The following FAM229B variants were observed in gnomAD, a reference collection of about 807,000 sequenced individuals.
The protein encoded by FAM229B is family with sequence similarity 229 member B, also known as protein FAM229B.
In FAM229B, 2 loss-of-function variants were observed where a neutral mutation model predicts 6.7. That is an observed-to-expected ratio of 0.30 (90% CI 0.12 to 0.94). FAM229B has a LOEUF of 0.94. Ranked by LOEUF, FAM229B falls within the 40% of genes least tolerant of loss-of-function variation. The pLI, the probability that FAM229B is intolerant of heterozygous loss-of-function variation, is 0.54. For missense variants in FAM229B, 93 were observed against 96.2 expected (o/e 0.97, Z 0.14); for synonymous variants, 29 against 34.0 (o/e 0.85, Z 0.51).
Position 112,092,008 on chromosome 6 carries a change from G to A in FAM229B, c.-176+4288G>A, listed in dbSNP as rs587741065. ...AAAGATTAGCAAACTTAAAGATGTA[G>A]CAATGGAAACTGTGCAAAATAAAAC... On this transcript the variant is annotated intron_variant, in intron 1 of 3. Transcript: ENST00000368656. Among the ~76,000 whole-genome samples, 4 of 152,148 alleles carry A rather than the reference G, an allele frequency of 2.6e-5. No individual in the cohort carries two copies. The South Asian group carries it at 8.3e-4, about 32-fold the overall frequency.
chr6:112,090,206 G>GGTCT (rs1777240137), intron 1 of FAM229B, among the ~76,000 whole-genome samples: 1 of 131,692 alleles, frequency 7.6e-6, no homozygotes, highest in African/African-American at 3.1e-5. Context: ...AGTTGTGGGT[G>GGTCT]GTCTGTTTTT....
chr6:112,098,087 C>G (rs1235057929), intron 2 of FAM229B, among the ~76,000 whole-genome samples: 1 of 152,082 alleles, frequency 6.6e-6, no homozygotes. Context: ...ATCCTCCCTC[C>G]CCAGCTAAGA....
intron 3 of FAM229B, among the ~76,000 whole-genome samples, chr6:112,100,214 C>T (rs1777378424): frequency 1.3e-5 from 2 of 152,180 alleles, no homozygotes; most frequent in Admixed American, 6.5e-5. Context: ...CATTTCAAAT[C>T]TGAGATTCTA....
At chr6:112,088,228 TAGA>T (rs1347099912) in intron 1 of FAM229B, among the ~76,000 whole-genome samples, 4 of 152,164 alleles carry the variant, frequency 2.6e-5, no homozygotes, top group African/African-American at 9.7e-5. Context: ...AGAAGTCTGA[TAGA>T]AGACACGAGA....
In FAM229B at chr6:112,098,848, C is replaced by T. The variant is rs145963303; in HGVS notation, c.-14-422C>T. ...TGTTAACCATAGAGTATTTTCCTTG[C>T]GTTGCTTGGTGGCTATTTTGTATTT... On this transcript the variant is annotated intron_variant, in intron 2 of 3. Transcript: ENST00000368656. Among the ~76,000 whole-genome samples, 598 of 152,256 alleles carry T rather than the reference C, an allele frequency of 3.9e-3. 5 individuals carry two copies. Among genetic ancestry groups the T allele is most frequent in the Non-Finnish European group, 4.3e-3 (292 of 68,004 alleles).
rs782683053 is a variant in FAM229B at position 112,100,831 on chromosome 6, T to C, written c.*44T>C. ...CAAGGTCTGACTAGGTCAAGGGTAA[T>C]GGACCAGTATCATCTGGTGATCTGG... is the stretch of plus-strand genomic sequence containing the variant. On this transcript the variant is annotated 3_prime_UTR_variant, in exon 4 of 4. Coordinates refer to ENST00000368656, the MANE Select transcript of FAM229B (RefSeq NM_001033564.3). The C allele has an allele frequency of 2.2e-6, 3 of 1,377,952 alleles. No individual in the cohort carries two copies. The African/African-American group carries it at 4.3e-5, about 20-fold the overall frequency. 85.4% of individuals were successfully genotyped at this position (1,377,952 alleles called of 1,614,324 possible).
At chr6:112,097,768 T>A (rs1206243587) in intron 2 of FAM229B, among the ~76,000 whole-genome samples, 1 of 152,258 alleles carries the variant, frequency 6.6e-6, no homozygotes, top group Non-Finnish European at 1.5e-5. Flanking sequence ...GTACTAATAG[T>A]TGAATACATG....
chr6:112,092,294 A>AATTTATCAGTGATAAAAAGCAG (rs1554318260), intron 1 of FAM229B, among the ~76,000 whole-genome samples: 1 of 152,104 alleles, frequency 6.6e-6, no homozygotes, highest in African/African-American at 2.4e-5. Flanking sequence ...ATAAAAAGCA[A>AATTTATCAGTGATAAAAAGCAG]ATATTAAAGC....
Position 112,102,757 on chromosome 6 carries a change from A to G in FAM229B, c.*1970A>G, listed in dbSNP as rs1425527700. On this transcript the variant is annotated 3_prime_UTR_variant, in exon 4 of 4. Coordinates refer to ENST00000368656, the MANE Select transcript of FAM229B (RefSeq NM_001033564.3). ...GAGTGCATCCAAGGGGAGAAAACCC[A>G]TCAAAATAAAAATAAAAACTACAAT... The G allele has an allele frequency of 1.3e-5, 2 of 152,170 alleles. No homozygotes were observed. Among genetic ancestry groups the G allele is most frequent in the African/African-American group, 4.8e-5 (2 of 41,436 alleles). The allele number at this position is 152,170 out of a possible 1,614,324, so 9.4% of individuals were successfully genotyped here.
intron 1 of FAM229B, among the ~76,000 whole-genome samples, chr6:112,092,191 C>G (rs941423931): frequency 2.0e-5 from 3 of 151,996 alleles, no homozygotes; most frequent in Non-Finnish European, 2.9e-5. Flanking sequence ...GTATTATGCA[C>G]CCACAGATCC....
intron 1 of FAM229B, among the ~76,000 whole-genome samples, chr6:112,095,635 C>CA (rs1186446249): frequency 0.04 from 1,890 of 47,832 alleles, 22 homozygotes; most frequent in South Asian, 0.054. Flanking sequence ...GACCCTGTCT[C>CA]AAAAAAAAAA....
Position 112,099,368 on chromosome 6 carries a change from T to C in FAM229B, c.85T>C (p.Ser29Pro), listed in dbSNP as rs782526110. Residue 29 changes from serine to proline, a missense_variant, in exon 3 of 4, where the codon TCC becomes CCC. By Grantham distance (74) the Ser-to-Pro change is moderately conservative (BLOSUM62 -1). Coordinates refer to ENST00000368656, the MANE Select transcript of FAM229B (RefSeq NM_001033564.3). ...SSIELEPGLSSSAACNGKEMS... is the reference protein window; with the variant it reads ...SSIELEPGLSPSAACNGKEMS... ...AATTGAGCTGGAACCTGGGCTGAGC[T>C]CCAGTGCTGCCTGTAATGGGAAGGA... 6.2e-6 allele frequency: 10 copies of C among 1,613,790 alleles called. No homozygotes were observed. The South Asian group carries it at 9.9e-5, about 16-fold the overall frequency.
chr6:112,088,217 T>C (rs1407237549), intron 1 of FAM229B, among the ~76,000 whole-genome samples: 1 of 152,178 alleles, frequency 6.6e-6, no homozygotes, highest in African/African-American at 2.4e-5. Context: ...GATGAGTATG[T>C]AGAAGTCTGA....
At chr6:112,096,524 C>T (rs1430126838) in intron 1 of FAM229B, among the ~76,000 whole-genome samples, 1 of 152,070 alleles carries the variant, frequency 6.6e-6, no homozygotes, top group African/African-American at 2.4e-5. Flanking sequence ...CCACTGCACT[C>T]CAGCCTGGGT....
chr6:112,089,739 A>G (rs1483833947), intron 1 of FAM229B, among the ~76,000 whole-genome samples: 3 of 152,212 alleles, frequency 2.0e-5, no homozygotes, highest in African/African-American at 7.2e-5. Context: ...TAAAATAATA[A>G]CAATACTAGG....
At chr6:112,087,833 G>T (rs370323919) in intron 1 of FAM229B, 113 bp downstream of exon 1, 166 of 216,726 alleles carry the variant, frequency 7.7e-4, no homozygotes, top group African/African-American at 3.4e-3. Flanking sequence ...GGATCAGTCC[G>T]TTTATTCAGA....
chr6:112,091,546 A>G (rs781979812), intron 1 of FAM229B, among the ~76,000 whole-genome samples: 2 of 152,170 alleles, frequency 1.3e-5, no homozygotes, highest in Admixed American at 6.5e-5. Flanking sequence ...GGCTGTTGTA[A>G]TCTAGCTTAA....
chr6:112,092,857 T>A (rs930029951), intron 1 of FAM229B, among the ~76,000 whole-genome samples: 1 of 151,884 alleles, frequency 6.6e-6, no homozygotes, highest in Non-Finnish European at 1.5e-5. Flanking sequence ...ATATGTATAC[T>A]ATAAACCCTA....
chr6:112,095,081 C>A (rs1453151265), intron 1 of FAM229B, among the ~76,000 whole-genome samples: 2 of 151,848 alleles, frequency 1.3e-5, no homozygotes, highest in African/African-American at 4.8e-5. Flanking sequence ...TTAAGAATAC[C>A]CCACTTACAG....
Sources: gnomAD v4.1 joint callset for allele counts (sites outside exome capture counted in the v4.1 genomes callset) on GRCh38, gnomAD v4.1.1 for gene constraint, MANE v1.5 for transcripts, NCBI Gene and HGNC (gene_info 2026-07-23, HGNC 2026-07-21) for gene names.